The following TBC1D32 variants were observed in gnomAD, a reference collection of about 807,000 sequenced individuals.
TBC1D32 encodes the protein TBC1 domain family member 32, also known as protein broad-minded.
TBC1D32 carries 151 observed loss-of-function variants against 170.3 expected under a neutral mutation model. That is an observed-to-expected ratio of 0.89 (90% CI 0.78 to 1.01). The LOEUF (loss-of-function observed/expected upper bound fraction) is 1.01, where lower values mean the gene tolerates loss of function less well. Among genes scored for constraint, TBC1D32 ranks in the 50% least tolerant of loss-of-function variants. The pLI is 0.00. For synonymous variants in TBC1D32, 498 were observed against 488.0 expected, an observed-to-expected ratio of 1.02 and a Z score of -0.27; for missense variants, 1,464 against 1,457.1, an observed-to-expected ratio of 1.00 and a Z score of -0.08.
chr6:121,217,419 A>G (rs1330206561), intron 21 of TBC1D32, among the ~76,000 whole-genome samples: 2 of 152,262 alleles, frequency 1.3e-5, no homozygotes, highest in Admixed American at 6.5e-5. Context: ...AATGCCCATC[A>G]ATGACAAATT....
In TBC1D32 at chr6:121,255,327, C is replaced by A; in HGVS notation, c.2018+1G>T. 1 of 1,546,356 alleles carries A rather than the reference C, an allele frequency of 6.5e-7. No homozygotes were observed. Among genetic ancestry groups the A allele is most frequent in the Non-Finnish European group, 8.8e-7 (1 of 1,137,442 alleles). On this transcript the variant is annotated splice_donor_variant, in intron 17 of 31. Transcript: ENST00000398212. LOFTEE classifies it high-confidence loss of function. The stretch of plus-strand genomic sequence containing the variant: ...GCATGACTTTCATCAATTGTACTTA[C>A]ATGTTTTGGGATTCCTGGCTTACTG...
intron 31 of TBC1D32, among the ~76,000 whole-genome samples, chr6:121,084,553 C>A (rs1225716694): frequency 6.6e-6 from 1 of 152,070 alleles, no homozygotes; most frequent in African/African-American, 2.4e-5. Context: ...ATAAGGGAGC[C>A]ATTTATCTAA....
At chr6:121,276,528 CAAAAAAT>C (rs1802240617) in intron 15 of TBC1D32, among the ~76,000 whole-genome samples, 1 of 151,786 alleles carries the variant, frequency 6.6e-6, no homozygotes, top group Non-Finnish European at 1.5e-5. Flanking sequence ...AAAAAAAGGG[CAAAAAAT>C]ACAGTAAATA....
chr6:121,084,524 T>A (rs1775988578), intron 31 of TBC1D32, among the ~76,000 whole-genome samples: 1 of 152,090 alleles, frequency 6.6e-6, no homozygotes. Context: ...TCTCTGCTCC[T>A]CAACCCCTTG....
intron 24 of TBC1D32, among the ~76,000 whole-genome samples, chr6:121,146,337 G>A (rs887315218): frequency 6.6e-6 from 1 of 152,118 alleles, no homozygotes; most frequent in South Asian, 2.1e-4. Context: ...GGAATGTAGC[G>A]CACAAATGGA....
chr6:121,258,987 AAAAG>A (rs573583481), intron 15 of TBC1D32, among the ~76,000 whole-genome samples: 36 of 151,966 alleles, frequency 2.4e-4, no homozygotes, highest in South Asian at 8.3e-4. Context: ...ATTAAAAAAA[AAAAG>A]AAAGAAAGAG....
intron 1 of TBC1D32, among the ~76,000 whole-genome samples, chr6:121,326,515 AT>A (rs1262546888): frequency 2.0e-5 from 3 of 152,208 alleles, no homozygotes; most frequent in African/African-American, 2.4e-5. Context: ...TTTTAAAAAA[AT>A]CTCCACCATT....
chr6:121,117,924 A>G (rs1779854387), intron 26 of TBC1D32, among the ~76,000 whole-genome samples: 1 of 152,152 alleles, frequency 6.6e-6, no homozygotes, highest in South Asian at 2.1e-4. Context: ...AGGAACTGAA[A>G]TCTCAAAAAT....
At chr6:121,238,969 A>C (rs1000125846) in intron 20 of TBC1D32, 101 bp downstream of exon 20, 1 of 542,620 alleles carries the variant, frequency 1.8e-6, no homozygotes, top group Non-Finnish European at 3.3e-6. Flanking sequence ...AATATATTAA[A>C]AAGTCTGCTG....
intron 30 of TBC1D32, among the ~76,000 whole-genome samples, chr6:121,099,826 GGTT>G (rs943940355): frequency 2.0e-5 from 3 of 151,822 alleles, no homozygotes; most frequent in Admixed American, 6.6e-5. Flanking sequence ...ATAATGAAGT[GGTT>G]GTTATTAAAT....
chr6:121,241,355 G>T lies in TBC1D32; in HGVS notation c.2245+110C>A, dbSNP rs186963398. ...TACATAAGGTCTAACTTAGTAAAAA[G>T]AATTTTAGAGTAAATATCCTGATAC... On this transcript the variant is annotated intron_variant, in intron 19 of 31. Transcript: ENST00000398212. 6.5e-6 allele frequency: 6 copies of T among 923,810 alleles called. No individual in the cohort carries two copies. The Admixed American group carries it at 1.6e-4, about 24-fold the overall frequency. The allele number at this position is 923,810 out of a possible 1,614,324, so 57.2% of individuals were successfully genotyped here.
At chr6:121,199,263 A>G (rs1791225538) in intron 22 of TBC1D32, among the ~76,000 whole-genome samples, 1 of 151,468 alleles carries the variant, frequency 6.6e-6, no homozygotes, top group Non-Finnish European at 1.5e-5. Flanking sequence ...TTGAGATTCA[A>G]TCGTGTACTG....
At chr6:121,123,964 C>CA (rs1256435805) in intron 26 of TBC1D32, among the ~76,000 whole-genome samples, 10 of 151,192 alleles carry the variant, frequency 6.6e-5, no homozygotes, top group South Asian at 4.2e-4. Context: ...CAAAAACAAA[C>CA]AAAAAAAACT....
At chr6:121,277,256 G>A (rs79779168) in intron 15 of TBC1D32, among the ~76,000 whole-genome samples, 11,125 of 152,140 alleles carry the variant, frequency 0.073, 630 homozygotes, top group African/African-American at 0.15. Flanking sequence ...TGGGGGCCAA[G>A]GCAGGTGAAT....
At chr6:121,174,916 C>T (rs1475048757) in intron 22 of TBC1D32, among the ~76,000 whole-genome samples, 1 of 151,336 alleles carries the variant, frequency 6.6e-6, no homozygotes, top group Non-Finnish European at 1.5e-5. Flanking sequence ...CCATAGGTCC[C>T]AGCTACCGGA....
intron 22 of TBC1D32, among the ~76,000 whole-genome samples, chr6:121,185,964 G>C (rs1001903759): frequency 6.6e-6 from 1 of 152,002 alleles, no homozygotes; most frequent in African/African-American, 2.4e-5. Context: ...AAAATGCTCT[G>C]AACTAGAAAC....
Position 121,223,299 on chromosome 6 carries a change from TA to T in TBC1D32, c.2417del (p.Val806GlufsTer29). On this transcript the variant is annotated frameshift_variant, in exon 21 of 32. Coordinates refer to ENST00000398212, the MANE Select transcript of TBC1D32 (RefSeq NM_152730.6). LOFTEE classifies it high-confidence loss of function. Reference protein sequence around the residue: ...LLSYPAIYELVRNQDLPNKTE... With the variant: ...LLSYPAIYELXRNQDLPNKTE... ...TTTTATTAGGAAGATCTTGATTCCT[TA>T]CAAGCTCATAAATAGCAGGATAGGA... 6.3e-7 allele frequency: 1 copy of T among 1,599,046 alleles called. No individual in the cohort carries two copies. The highest frequency in any genetic ancestry group is 8.5e-7 in the Non-Finnish European group (1 of 1,175,286).
In TBC1D32 at chr6:121,304,527, T is replaced by C; in HGVS notation, c.868A>G (p.Lys290Glu). The C allele has an allele frequency of 6.2e-7, 1 of 1,607,974 alleles. No individual in the cohort carries two copies. The highest frequency in any genetic ancestry group is 8.5e-7 in the Non-Finnish European group (1 of 1,176,608). ...ATATTGTAGTAAATGGATACCTTTT[T>C]AAGTAAGCGAGTCATATTAGGATTA... ...ITNPNMTRLLKKVRLLNEYQK... is the reference protein window; with the variant it reads ...ITNPNMTRLLEKVRLLNEYQK... Residue 290 changes from lysine (K) to glutamate (E), a missense_variant, in exon 7 of 32, where the codon AAA becomes GAA. This residue lies in a region of TBC1D32 where 1,363 missense variants were observed against 1,338.1 expected (regional missense o/e 1.02). Coordinates refer to ENST00000398212, the MANE Select transcript of TBC1D32 (RefSeq NM_152730.6).
intron 25 of TBC1D32, among the ~76,000 whole-genome samples, chr6:121,126,710 C>CTTT: frequency 6.6e-6 from 1 of 151,624 alleles, no homozygotes; most frequent in Non-Finnish European, 1.5e-5. Context: ...TCTTTAGATC[C>CTTT]TCTAAGAATT....
Sources: gnomAD v4.1 joint callset for allele counts (sites outside exome capture counted in the v4.1 genomes callset) on GRCh38, gnomAD v4.1.1 for gene constraint, gnomAD v4.1.1 regional missense constraint, MANE v1.5 for transcripts, NCBI Gene and HGNC (gene_info 2026-07-23, HGNC 2026-07-21) for gene names.